The following AHSG variants were observed in gnomAD, a reference collection of about 807,000 sequenced individuals.
AHSG encodes alpha-2-HS-glycoprotein.
In AHSG, 23 loss-of-function variants were observed where a neutral mutation model predicts 30.1. That is an observed-to-expected ratio of 0.76 (90% confidence interval 0.55 to 1.08). The LOEUF (loss-of-function observed/expected upper bound fraction) is 1.08. Among genes scored for constraint, AHSG ranks in the 50% least tolerant of loss-of-function variants. The probability of loss-of-function intolerance (pLI) is 0.00; values close to 1 mark genes in which losing one functional copy is unlikely to be tolerated. For synonymous variants in AHSG, 164 were observed against 186.3 expected (o/e 0.88, Z 0.98); for missense variants, 469 against 459.5 (o/e 1.02, Z -0.19).
chr3:186,615,621 C>A, intron 1 of AHSG, 64 bp from the exon 2 acceptor site: 1 of 1,364,546 alleles, frequency 7.3e-7, no homozygotes, highest in South Asian at 1.2e-5. Context: ...AGGGCGCATA[C>A]CGTGGACCGC....
chr3:186,618,616 G>A lies in AHSG; in HGVS notation c.654G>A (p.Lys218=). 1 of 1,614,132 alleles carries A rather than the reference G, an allele frequency of 6.2e-7. No homozygotes were observed. Among genetic ancestry groups the A allele is most frequent in the Non-Finnish European group, 8.5e-7 (1 of 1,179,980 alleles). ...CVAKEATEAA[K]CNLLAEKQYG... ...CTAAAGAGGCCACAGAGGCAGCCAAGTGTAACCTGCTGGCAGAAAAGGTGA... is the reference window on the plus strand; with the variant it reads ...CTAAAGAGGCCACAGAGGCAGCCAAATGTAACCTGCTGGCAGAAAAGGTGA... The change falls in exon 5 of 7, where the codon AAG becomes AAA. Residue 218 remains lysine, a synonymous_variant. Transcript: ENST00000411641.
chr3:186,617,493 G>T (rs1323741019), intron 4 of AHSG, 143 bp downstream of exon 4: 1 of 1,467,226 alleles, frequency 6.8e-7, no homozygotes, highest in Non-Finnish European at 9.4e-7. Context: ...GGAAAGGGAA[G>T]AAAGCATCCT....
In AHSG at chr3:186,618,550, T is replaced by C. The variant is rs764653631; in HGVS notation, c.588T>C (p.Ser196=). 5.0e-6 allele frequency: 8 copies of C among 1,613,608 alleles called. No individual in the cohort carries two copies. The African/African-American group carries it at 6.7e-5, about 13-fold the overall frequency. The change falls in exon 5 of 7, where the codon TCT becomes TCC. Residue 196 remains serine (S), a synonymous_variant. Transcript: ENST00000411641. Reference sequence around the variant, plus strand: ...ACTCTTCTCAGCCCCTCCCACCTTCTACCTATGTGGAGTTTACAGTGTCTG... The same window carrying C: ...ACTCTTCTCAGCCCCTCCCACCTTCCACCTATGTGGAGTTTACAGTGTCTG... ...SRAQLVPLPP[S]TYVEFTVSGT...
At position 186,614,643 on chromosome 3, in the gene AHSG, G is replaced by A. The variant is rs568248700; in HGVS notation, c.214-1042G>A. Among the ~76,000 whole-genome samples, 246 of 152,316 alleles carry A rather than the reference G, an allele frequency of 1.6e-3. 1 individual carries two copies. The highest frequency in any genetic ancestry group is 2.7e-3 in the Non-Finnish European group (184 of 68,030). ...TGAGGGAAAAGGTAATCATGAATGG[G>A]CATTGTGACTTTTACTAAAGGCAGA... On this transcript the variant is annotated intron_variant, in intron 1 of 6. Coordinates refer to ENST00000411641, the MANE Select transcript of AHSG (RefSeq NM_001622.4).
At chr3:186,617,389 G>A (rs1196342442) in intron 4 of AHSG, 39 bp downstream of exon 4, 8 of 1,614,158 alleles carry the variant, frequency 5.0e-6, no homozygotes, top group Non-Finnish European at 6.8e-6. Flanking sequence ...GGGCAGTTCG[G>A]TGGCACTTCG....
At chr3:186,617,582 C>A in intron 4 of AHSG, 1 of 719,020 alleles carries the variant, frequency 1.4e-6, no homozygotes, top group South Asian at 1.8e-5. Context: ...ACTGTAACGT[C>A]CAGCAGCCAC....
Position 186,613,076 on chromosome 3 carries a change from A to G in AHSG, c.-66A>G. On this transcript the variant is annotated 5_prime_UTR_variant, in exon 1 of 7. Coordinates refer to ENST00000411641, the MANE Select transcript of AHSG (RefSeq NM_001622.4). ...TCCATGGGTCTACCTTTCCCAGCAG[A>G]GCACCTGGGTTGGTCCCGAAGCCTC... 2 of 1,447,046 alleles carry G rather than the reference A, an allele frequency of 1.4e-6. No homozygotes were observed. Among genetic ancestry groups the G allele is most frequent in the Non-Finnish European group, 1.9e-6 (2 of 1,037,126 alleles). 89.6% of individuals were successfully genotyped at this position (1,447,046 alleles called of 1,614,324 possible). A position where few individuals can be genotyped will look rare whatever the true frequency, so the allele number is the denominator to read the frequency against.
At chr3:186,615,643 A>G (rs371227528) in intron 1 of AHSG, 42 bp from the exon 2 acceptor site, 6 of 1,538,768 alleles carry the variant, frequency 3.9e-6, no homozygotes, top group Non-Finnish European at 5.4e-6. Context: ...CCACAGGATC[A>G]GGGGAATAGG....
intron 3 of AHSG, 78 bp from the exon 4 acceptor site, chr3:186,617,109 G>A: frequency 6.5e-7 from 1 of 1,547,450 alleles, no homozygotes; most frequent in Non-Finnish European, 8.7e-7. Context: ...GAATGCCTTA[G>A]CCCTTGCTAA....
intron 4 of AHSG, chr3:186,617,875 T>A (rs1012402399): frequency 2.1e-5 from 4 of 186,120 alleles, no homozygotes; most frequent in African/African-American, 9.5e-5. Context: ...AGAATTCAAA[T>A]GTTTAAGAAA....
intron 1 of AHSG, among the ~76,000 whole-genome samples, chr3:186,615,094 A>G (rs1019513366): frequency 6.6e-6 from 1 of 152,108 alleles, no homozygotes; most frequent in African/African-American, 2.4e-5. Flanking sequence ...GCACAAGCCA[A>G]GACAAAGGAA....
chr3:186,613,872 A>T (rs1397223774), intron 1 of AHSG, among the ~76,000 whole-genome samples: 2 of 151,676 alleles, frequency 1.3e-5, no homozygotes, highest in Non-Finnish European at 2.9e-5. Context: ...GTCTTACCCA[A>T]GAGGAGACCA....
intron 1 of AHSG, among the ~76,000 whole-genome samples, chr3:186,614,039 C>T (rs1011786299): frequency 5.3e-5 from 8 of 151,984 alleles, no homozygotes; most frequent in South Asian, 2.1e-4. Context: ...AGAGAGTTAC[C>T]CACATCCCAG....
At chr3:186,614,519 G>A (rs1161015311) in intron 1 of AHSG, among the ~76,000 whole-genome samples, 3 of 152,206 alleles carry the variant, frequency 2.0e-5, no homozygotes, top group Non-Finnish European at 2.9e-5. Flanking sequence ...GGATTGCTCC[G>A]GATGGATTTT....
chr3:186,620,575 C>A lies in AHSG; in HGVS notation c.760-11C>A. The A allele has an allele frequency of 6.3e-7, 1 of 1,581,180 alleles. No individual in the cohort carries two copies. Among genetic ancestry groups the A allele is most frequent in the Middle Eastern group, 1.7e-4 (1 of 5,910 alleles). ...AAGCAAACTAACTGAAGGAAATGGT[C>A]CTTTTTCCAGCCCGTGAGCTCACAG... On this transcript the variant is annotated splice_polypyrimidine_tract_variant and intron_variant, in intron 6 of 6. Transcript: ENST00000411641.
rs1579016261 is a variant in AHSG, at chr3:186,619,901, G to A, written c.720G>A (p.Gly240=). Residue 240 remains glycine, a synonymous_variant, in exon 6 of 7, where the codon GGG becomes GGA. Transcript: ENST00000411641. ...CKATLSEKLG[G]AEVAVTCMVF... ...CAACACTCAGTGAGAAGCTTGGTGG[G>A]GCAGAGGTTGCAGTGACCTGCATGG... The A allele has an allele frequency of 1.9e-6, 3 of 1,613,104 alleles. No homozygotes were observed. The highest frequency in any genetic ancestry group is 1.3e-5 in the African/African-American group (1 of 74,950).
chr3:186,616,452 G>A lies in AHSG; in HGVS notation c.334G>A (p.Gly112Arg). 1 of 1,613,228 alleles carries A rather than the reference G, an allele frequency of 6.2e-7. No individual in the cohort carries two copies. The highest frequency in any genetic ancestry group is 8.5e-7 in the Non-Finnish European group (1 of 1,179,590). ...VRQLKEHAVEGDCDFQLLKLD... is the reference protein window; with the variant it reads ...VRQLKEHAVERDCDFQLLKLD... ...GGGTTTCTTTCTCCAGGCTGTCGAAGGAGACTGTGATTTCCAGCTGTTGAA... is the reference window on the plus strand; with the variant it reads ...GGGTTTCTTTCTCCAGGCTGTCGAAAGAGACTGTGATTTCCAGCTGTTGAA... Residue 112 changes from glycine (G) to arginine (R), a missense_variant, in exon 3 of 7, where the codon GGA (glycine) becomes AGA (arginine). Gly to Arg is a moderately radical substitution (Grantham distance 125). Transcript: ENST00000411641.
intron 5 of AHSG, among the ~76,000 whole-genome samples, chr3:186,619,043 T>C (rs530527408): frequency 6.6e-6 from 1 of 152,330 alleles, no homozygotes; most frequent in East Asian, 1.9e-4. Flanking sequence ...ATGCCTGTAA[T>C]TCCAGCACTT....
intron 3 of AHSG, among the ~76,000 whole-genome samples, chr3:186,616,918 C>T (rs1716321544): frequency 6.6e-6 from 1 of 152,144 alleles, no homozygotes; most frequent in African/African-American, 2.4e-5. Flanking sequence ...GCCGAGATCG[C>T]ACCACTGCAC....
Sources: gnomAD v4.1 joint callset for allele counts (sites outside exome capture counted in the v4.1 genomes callset) on GRCh38, gnomAD v4.1.1 for gene constraint, MANE v1.5 for transcripts, NCBI Gene and HGNC (gene_info 2026-07-23, HGNC 2026-07-21) for gene names.